The following ASCC3 variants were observed in gnomAD, a reference collection of about 807,000 sequenced individuals.
ASCC3 encodes activating signal cointegrator 1 complex subunit 3.
ASCC3 carries 158 observed loss-of-function variants against 256.3 expected under a neutral mutation model. The observed-to-expected ratio is 0.62, with a 90% CI of 0.54 to 0.70. The LOEUF (loss-of-function observed/expected upper bound fraction) is 0.70, where lower values mean the gene tolerates loss of function less well. Ranked by LOEUF, ASCC3 falls within the 30% of genes least tolerant of loss-of-function variation. The pLI, the probability that ASCC3 is intolerant of heterozygous loss-of-function variation, is 0.00. For synonymous variants in ASCC3, 948 were observed against 883.4 expected, an observed-to-expected ratio of 1.07 and a Z score of -1.30; for missense variants, 2,259 against 2,626.0, an observed-to-expected ratio of 0.86 and a Z score of 3.05.
intron 25 of ASCC3, among the ~76,000 whole-genome samples, chr6:100,635,734 A>G (rs1418308618): frequency 6.6e-6 from 1 of 152,114 alleles, no homozygotes; most frequent in Admixed American, 6.6e-5. Flanking sequence ...ATACTAGGAA[A>G]GAGTTAAAAA....
In ASCC3 at chr6:100,800,337, G is replaced by A; in HGVS notation, c.1090C>T (p.Leu364Phe). ...AATTCCTTAGGATCAAAGCACATAA[G>A]TCCTTCTGAAACTTCTAAATCTTCT... ...AGEDLEVSEGLMCFDPKELRI... is the reference protein window; with the variant it reads ...AGEDLEVSEGFMCFDPKELRI... The change falls in exon 6 of 42, where the codon CTT becomes TTT. Residue 364 changes from leucine (L) to phenylalanine (F), a missense_variant. Leu to Phe is a conservative substitution (Grantham distance 22). Coordinates refer to ENST00000369162, the MANE Select transcript of ASCC3 (RefSeq NM_006828.4). 6.2e-7 allele frequency: 1 copy of A among 1,612,900 alleles called. No individual in the cohort carries two copies.
intron 23 of ASCC3, 86 bp downstream of exon 23, chr6:100,643,945 A>C: frequency 3.3e-6 from 3 of 905,192 alleles, no homozygotes; most frequent in Non-Finnish European, 5.2e-6. Context: ...TTGTACTATA[A>C]AATTACAGAG....
chr6:100,760,571 G>A (rs912893637), intron 10 of ASCC3, among the ~76,000 whole-genome samples: 1 of 152,152 alleles, frequency 6.6e-6, no homozygotes, highest in Non-Finnish European at 1.5e-5. Flanking sequence ...CCTTCAAGGA[G>A]CAATTTCAAA....
chr6:100,865,953 C>CATTT (rs59777780), intron 2 of ASCC3, among the ~76,000 whole-genome samples: 7,198 of 148,802 alleles, frequency 0.048, 196 homozygotes, highest in African/African-American at 0.056. Flanking sequence ...TAAATAATTT[C>CATTT]ATTTATTTAT....
chr6:100,623,747 ATCAC>A (rs1406462461), intron 30 of ASCC3, among the ~76,000 whole-genome samples: 1 of 152,184 alleles, frequency 6.6e-6, no homozygotes, highest in Non-Finnish European at 1.5e-5. Context: ...AGAAAGAACA[ATCAC>A]TATATATTAA....
chr6:100,796,897 C>T (rs752313255), intron 8 of ASCC3, among the ~76,000 whole-genome samples: 6 of 152,166 alleles, frequency 3.9e-5, no homozygotes, highest in East Asian at 1.9e-4. Context: ...ATCTACATCA[C>T]GTGTGGTAGG....
chr6:100,527,324 C>T (rs187752094), intron 37 of ASCC3, among the ~76,000 whole-genome samples: 191 of 152,218 alleles, frequency 1.3e-3, no homozygotes, highest in African/African-American at 4.5e-3. Context: ...TTTTCTTGGT[C>T]TAATTATAAG....
chr6:100,646,880 T>A, intron 21 of ASCC3, 111 bp from the exon 22 acceptor site: 1 of 1,154,058 alleles, frequency 8.7e-7, no homozygotes. Flanking sequence ...GTTTTATGAT[T>A]TGCTATGTAG....
chr6:100,591,921 G>GA (rs1772017813), intron 34 of ASCC3, among the ~76,000 whole-genome samples: 1 of 151,504 alleles, frequency 6.6e-6, no homozygotes, highest in South Asian at 2.1e-4. Flanking sequence ...AACTTTCCTT[G>GA]AAAAAATTAC....
intron 30 of ASCC3, among the ~76,000 whole-genome samples, chr6:100,619,881 A>G (rs889503391): frequency 2.6e-5 from 4 of 152,304 alleles, no homozygotes; most frequent in South Asian, 4.1e-4. Flanking sequence ...ACTAGATACA[A>G]GCAAGAGATC....
intron 4 of ASCC3, 102 bp from the exon 5 acceptor site, chr6:100,805,982 A>C: frequency 9.0e-7 from 1 of 1,109,466 alleles, no homozygotes; most frequent in Non-Finnish European, 1.3e-6. Context: ...CCAAACTAAT[A>C]TAGAAATACT....
chr6:100,533,542 T>TA (rs920579197), intron 37 of ASCC3, among the ~76,000 whole-genome samples: 3 of 152,220 alleles, frequency 2.0e-5, no homozygotes, highest in African/African-American at 7.2e-5. Flanking sequence ...CTAGCCTCTA[T>TA]GACTTCTGAA....
chr6:100,758,768 T>A (rs537791855), intron 10 of ASCC3, among the ~76,000 whole-genome samples: 1 of 152,172 alleles, frequency 6.6e-6, no homozygotes, highest in Non-Finnish European at 1.5e-5. Context: ...AGTATTGAGA[T>A]TGTTGAGTCA....
rs370162262 is a variant in ASCC3, at chr6:100,805,617, A to G, written c.922+143T>C. On this transcript the variant is annotated intron_variant, in intron 5 of 41. Transcript: ENST00000369162. ...CACTTACGTTTTTTCATAATATGCC[A>G]TATCTAAAATCTATTTAACAGAGTA... 4.1e-5 allele frequency: 42 copies of G among 1,031,430 alleles called. No homozygotes were observed. The East Asian group carries it at 5.6e-4, about 14-fold the overall frequency. 63.9% of individuals were successfully genotyped at this position (1,031,430 alleles called of 1,614,324 possible).
intron 4 of ASCC3, among the ~76,000 whole-genome samples, chr6:100,842,131 TATG>T (rs1232458290): frequency 6.6e-6 from 1 of 152,224 alleles, no homozygotes; most frequent in East Asian, 1.9e-4. Flanking sequence ...ATCTGGCTGA[TATG>T]ATATCATAGC....
At chr6:100,762,934 G>GA (rs1375404584) in intron 10 of ASCC3, among the ~76,000 whole-genome samples, 6 of 152,154 alleles carry the variant, frequency 3.9e-5, no homozygotes, top group African/African-American at 7.2e-5. Flanking sequence ...GAGAAAGTTA[G>GA]AAAAAATCAC....
intron 36 of ASCC3, among the ~76,000 whole-genome samples, chr6:100,574,139 A>G (rs981437837): frequency 2.0e-5 from 3 of 152,162 alleles, no homozygotes; most frequent in Non-Finnish European, 4.4e-5. Context: ...CTCCTTAAAA[A>G]ATACGGATCT....
At chr6:100,590,518 T>G (rs1485249629) in intron 34 of ASCC3, among the ~76,000 whole-genome samples, 1 of 152,112 alleles carries the variant, frequency 6.6e-6, no homozygotes, top group Non-Finnish European at 1.5e-5. Context: ...ACACCCATAA[T>G]CTTGGCAGTT....
chr6:100,545,455 C>A (rs762590044), intron 36 of ASCC3, among the ~76,000 whole-genome samples: 8 of 152,102 alleles, frequency 5.3e-5, no homozygotes, highest in Non-Finnish European at 1.2e-4. Flanking sequence ...GGATTACAGG[C>A]GTGAGCCACA....
Sources: allele counts gnomAD v4.1 joint callset (sites outside exome capture counted in the v4.1 genomes callset), GRCh38; gene constraint gnomAD v4.1.1; transcripts MANE v1.5; gene names NCBI Gene and HGNC (gene_info 2026-07-23, HGNC 2026-07-21).